PHACTR1: variants seen among roughly 807,000 people sequenced by gnomAD.
The protein encoded by PHACTR1 is phosphatase and actin regulator 1, also known as RPEL repeat containing 1.
A neutral mutation model predicts 69.2 loss-of-function variants in PHACTR1; 16 were observed. That is an observed-to-expected ratio of 0.23 (90% CI 0.16 to 0.35). The LOEUF is 0.35. Ranked by LOEUF, PHACTR1 falls within the 10% of genes least tolerant of loss-of-function variation. The pLI, the probability that PHACTR1 is intolerant of heterozygous loss-of-function variation, is 1.00. For missense variants in PHACTR1, 510 were observed against 734.7 expected, an observed-to-expected ratio of 0.69 and a Z score of 3.54; for synonymous variants, 312 against 284.5, an observed-to-expected ratio of 1.10 and a Z score of -0.97.
intron 4 of PHACTR1, among the ~76,000 whole-genome samples, chr6:13,034,062 C>T (rs1480444907): frequency 6.6e-6 from 1 of 151,336 alleles, no homozygotes; most frequent in Admixed American, 6.6e-5. Flanking sequence ...GTCGCCCATG[C>T]TTGGAGTGCA....
chr6:12,942,883 CAGGT>C (rs1790196098), intron 4 of PHACTR1, among the ~76,000 whole-genome samples: 1 of 152,178 alleles, frequency 6.6e-6, no homozygotes, highest in Admixed American at 6.5e-5. Flanking sequence ...GGCATTTCAG[CAGGT>C]ATAGATCTGC....
chr6:13,273,049 T>C (rs1291635616), intron 11 of PHACTR1, 134 bp downstream of exon 11: 11 of 1,312,478 alleles, frequency 8.4e-6, no homozygotes, highest in African/African-American at 5.9e-5. Flanking sequence ...TGAAGCTTCA[T>C]GTGTGCATGT....
chr6:13,010,669 T>C (rs1799347131), intron 4 of PHACTR1, among the ~76,000 whole-genome samples: 1 of 152,142 alleles, frequency 6.6e-6, no homozygotes, highest in Non-Finnish European at 1.5e-5. Context: ...ATATTTTACG[T>C]AGTGGGGTCT....
chr6:13,046,007 A>G (rs1804970893), intron 4 of PHACTR1, among the ~76,000 whole-genome samples: 1 of 152,118 alleles, frequency 6.6e-6, no homozygotes, highest in South Asian at 2.1e-4. Context: ...GCATGCACAC[A>G]CTATTGATTC....
intron 4 of PHACTR1, among the ~76,000 whole-genome samples, chr6:12,797,040 TGA>T (rs1554140349): frequency 8.4e-4 from 112 of 133,394 alleles, no homozygotes; most frequent in Admixed American, 1.7e-3. Flanking sequence ...TGTGTGTGTG[TGA>T]GAGAGAGAGA....
intron 5 of PHACTR1, among the ~76,000 whole-genome samples, chr6:13,086,636 G>A (rs1812361084): frequency 6.6e-6 from 1 of 152,112 alleles, no homozygotes. Flanking sequence ...GTGTTATGGT[G>A]TGTATCTGTC....
chr6:12,814,901 G>A (rs1454928747), intron 4 of PHACTR1, among the ~76,000 whole-genome samples: 8 of 152,278 alleles, frequency 5.3e-5, no homozygotes, highest in African/African-American at 1.9e-4. Flanking sequence ...CATTAAGTCT[G>A]TCTCAAAACA....
At chr6:12,740,721 A>AT (rs548085228) in intron 3 of PHACTR1, among the ~76,000 whole-genome samples, 3 of 150,234 alleles carry the variant, frequency 2.0e-5, no homozygotes, top group Non-Finnish European at 3.0e-5. Context: ...TGTCTTTCTC[A>AT]TTTTTTTTCT....
chr6:12,749,365 G>GA (rs1766236757), intron 3 of PHACTR1: 1 of 514,482 alleles, frequency 1.9e-6, no homozygotes, highest in Non-Finnish European at 3.8e-6. Context: ...GAGTCTGGGG[G>GA]AGCCCCGGGC....
intron 4 of PHACTR1, among the ~76,000 whole-genome samples, chr6:12,908,709 A>C (rs1786030980): frequency 6.6e-6 from 1 of 152,152 alleles, no homozygotes; most frequent in Non-Finnish European, 1.5e-5. Flanking sequence ...GAGCACAGGC[A>C]CATGCAAAGG....
At chr6:12,916,044 A>G (rs899194373) in intron 4 of PHACTR1, among the ~76,000 whole-genome samples, 1 of 152,194 alleles carries the variant, frequency 6.6e-6, no homozygotes, top group African/African-American at 2.4e-5. Flanking sequence ...AGGGTAATAC[A>G]TGGGTATCTC....
chr6:13,195,281 A>C (rs1203566129), intron 7 of PHACTR1, among the ~76,000 whole-genome samples: 1 of 152,122 alleles, frequency 6.6e-6, no homozygotes, highest in Non-Finnish European at 1.5e-5. Context: ...TGGAGTACCT[A>C]TAGCTAAGGT....
chr6:13,237,336 C>T (rs754115324), intron 10 of PHACTR1, among the ~76,000 whole-genome samples: 2 of 152,042 alleles, frequency 1.3e-5, no homozygotes, highest in Non-Finnish European at 2.9e-5. Flanking sequence ...ATAATTGTGC[C>T]ACTGCACTCC....
intron 4 of PHACTR1, among the ~76,000 whole-genome samples, chr6:12,935,532 C>G (rs532750819): frequency 2.7e-4 from 41 of 152,310 alleles, no homozygotes; most frequent in African/African-American, 9.6e-4. Context: ...GCATGAGCTA[C>G]TGCACCTGGC....
At chr6:12,802,437 G>C (rs1244483543) in intron 4 of PHACTR1, among the ~76,000 whole-genome samples, 1 of 152,004 alleles carries the variant, frequency 6.6e-6, no homozygotes. Flanking sequence ...AATAAAAGCA[G>C]AACAGGAACA....
chr6:12,806,306 T>G (rs1480223274), intron 4 of PHACTR1, among the ~76,000 whole-genome samples: 2 of 152,248 alleles, frequency 1.3e-5, no homozygotes. Flanking sequence ...ACACGGACTT[T>G]CAATCTGGAA....
intron 4 of PHACTR1, among the ~76,000 whole-genome samples, chr6:12,767,104 C>T (rs909506088): frequency 3.3e-4 from 50 of 152,164 alleles, no homozygotes; most frequent in African/African-American, 1.1e-3. Flanking sequence ...TTCAATAATA[C>T]GTCAGGTGGG....
chr6:13,280,880 G>A (rs1584432702), intron 12 of PHACTR1: 1 of 1,100,392 alleles, frequency 9.1e-7, no homozygotes, highest in East Asian at 5.9e-5. Flanking sequence ...CCAGCACCAG[G>A]CCAAAGGTGC....
At chr6:13,171,701 A>G (rs1760643691) in intron 6 of PHACTR1, among the ~76,000 whole-genome samples, 1 of 152,236 alleles carries the variant, frequency 6.6e-6, no homozygotes, top group African/African-American at 2.4e-5. Context: ...TTGAGAGCCC[A>G]GCTAGAGAAA....
Sources: gnomAD v4.1 joint callset for allele counts (sites outside exome capture counted in the v4.1 genomes callset) on GRCh38, gnomAD v4.1.1 for gene constraint, MANE v1.5 for transcripts, NCBI Gene and HGNC (gene_info 2026-07-23, HGNC 2026-07-21) for gene names.